Variants in SERPINB8 observed in about 807,000 individuals in gnomAD.
SERPINB8 encodes the protein serpin family B member 8.
Under a neutral mutation model 35.3 loss-of-function variants are expected in SERPINB8, and 25 were observed. The ratio of observed to expected loss-of-function variants is 0.71; its 90% CI spans 0.52 to 0.99. The LOEUF is 0.99. Among genes scored for constraint, SERPINB8 ranks in the 50% least tolerant of loss-of-function variants. The probability of loss-of-function intolerance (pLI) is 0.00; values close to 1 mark genes in which losing one functional copy is unlikely to be tolerated. For missense variants in SERPINB8, 484 were observed against 446.5 expected (o/e 1.08, Z -0.76); for synonymous variants, 186 against 160.8 (o/e 1.16, Z -1.19).
At chr18:64,006,482 A>G (rs1056299406), downstream of SERPINB8, among the ~76,000 whole-genome samples, 7 of 152,206 alleles carry the variant, frequency 4.6e-5, no homozygotes, top group Non-Finnish European at 1.5e-5. Flanking sequence ...ACATGAGGAC[A>G]CAGAGATGGC....
chr18:64,014,288 C>T (rs2050939606), intron 7 of SERPINB8, among the ~76,000 whole-genome samples: 1 of 152,132 alleles, frequency 6.6e-6, no homozygotes, highest in Non-Finnish European at 1.5e-5. Flanking sequence ...ATAAATTATA[C>T]AAGGATTTGG....
intron 1 of SERPINB8, among the ~76,000 whole-genome samples, chr18:63,975,567 T>A (rs948684224): frequency 2.0e-5 from 3 of 152,232 alleles, no homozygotes; most frequent in Non-Finnish European, 4.4e-5. Flanking sequence ...TTTATTTTAC[T>A]TAGTTTTCTG....
At chr18:63,979,637 A>C (rs886612089) in intron 2 of SERPINB8, among the ~76,000 whole-genome samples, 164 bp from the exon 3 acceptor site, 2 of 152,208 alleles carry the variant, frequency 1.3e-5, no homozygotes, top group Admixed American at 1.3e-4. Flanking sequence ...CCAAATGTCA[A>C]TGCTGCATTG....
At chr18:63,972,850 A>G (rs1039150194) in intron 1 of SERPINB8, among the ~76,000 whole-genome samples, 2 of 152,152 alleles carry the variant, frequency 1.3e-5, no homozygotes, top group South Asian at 2.1e-4. Flanking sequence ...ATAGTATTCC[A>G]TGGTGTATAT....
At chr18:63,975,442 T>C (rs2050566445) in intron 1 of SERPINB8, among the ~76,000 whole-genome samples, 1 of 152,002 alleles carries the variant, frequency 6.6e-6, no homozygotes, top group Admixed American at 6.6e-5. Context: ...TCTGGAGAGG[T>C]CTTATGATGT....
intron 7 of SERPINB8, among the ~76,000 whole-genome samples, chr18:64,017,231 T>G (rs2144854458): frequency 6.6e-6 from 1 of 152,360 alleles, no homozygotes. Flanking sequence ...TTCTCTTGAC[T>G]TGGTTACAAA....
At chr18:63,981,661 C>A in intron 3 of SERPINB8, 60 bp from the exon 4 acceptor site, 1 of 1,161,198 alleles carries the variant, frequency 8.6e-7, no homozygotes, top group Non-Finnish European at 1.3e-6. Flanking sequence ...AAACAAAATG[C>A]TTTTGCATTT....
At chr18:64,001,636 G>A (rs1229117314) in intron 1 of SERPINB8, among the ~76,000 whole-genome samples, 4 of 152,008 alleles carry the variant, frequency 2.6e-5, no homozygotes, top group African/African-American at 9.7e-5. Context: ...GATTATAGGC[G>A]CCCACCACAG....
At chr18:63,994,732 C>T (rs1261604147) in intron 1 of SERPINB8, among the ~76,000 whole-genome samples, 1 of 152,090 alleles carries the variant, frequency 6.6e-6, no homozygotes, top group Non-Finnish European at 1.5e-5. Flanking sequence ...GCAAGTCACC[C>T]TGGGGGTCCT....
At chr18:63,979,662 C>G (rs568369578) in intron 2 of SERPINB8, 139 bp from the exon 3 acceptor site, 2 of 968,032 alleles carry the variant, frequency 2.1e-6, no homozygotes, top group South Asian at 3.2e-5. Context: ...CGTTGAGAAA[C>G]CCTGTGCTAG....
intron 4 of SERPINB8, among the ~76,000 whole-genome samples, chr18:63,982,864 C>T (rs1388900539): frequency 6.6e-6 from 1 of 152,050 alleles, no homozygotes; most frequent in Admixed American, 6.5e-5. Context: ...GACCTTGTTA[C>T]CCTCTCATTG....
intron 2 of SERPINB8, 76 bp from the exon 3 acceptor site, chr18:63,979,725 A>G: frequency 1.3e-6 from 2 of 1,563,842 alleles, no homozygotes; most frequent in Non-Finnish European, 1.8e-6. Context: ...TTTTTAGTAC[A>G]GAGGTTTGTT....
At chr18:64,016,208 G>A in intron 7 of SERPINB8, among the ~76,000 whole-genome samples, 1 of 152,162 alleles carries the variant, frequency 6.6e-6, no homozygotes, top group East Asian at 1.9e-4. Flanking sequence ...TCTGGGAAAG[G>A]CTTTGCTTAT....
intron 6 of SERPINB8, 130 bp downstream of exon 6, chr18:63,985,375 T>C: frequency 1.1e-6 from 1 of 936,158 alleles, no homozygotes; most frequent in South Asian, 1.7e-5. Context: ...GTGAACATCA[T>C]TGTGTGTCTT....
intron 1 of SERPINB8, among the ~76,000 whole-genome samples, chr18:64,002,183 C>T (rs1460882561): frequency 6.6e-6 from 1 of 152,164 alleles, no homozygotes; most frequent in Non-Finnish European, 1.5e-5. Flanking sequence ...CTGTCATGTG[C>T]AGCCCAGGGA....
chr18:63,997,418 G>A (rs2144838491), intron 1 of SERPINB8, among the ~76,000 whole-genome samples: 1 of 152,278 alleles, frequency 6.6e-6, no homozygotes, highest in Middle Eastern at 3.4e-3. Context: ...CAGGAGTGTT[G>A]TCCCCCTCCC....
At chr18:63,993,855 G>GA (rs1476557631), downstream of SERPINB8, among the ~76,000 whole-genome samples, 1 of 152,156 alleles carries the variant, frequency 6.6e-6, no homozygotes, top group East Asian at 1.9e-4. Flanking sequence ...CCTTGAGCCA[G>GA]GCCATGCCTT....
chr18:64,010,410 A>G (rs2050920714), downstream of SERPINB8, among the ~76,000 whole-genome samples: 1 of 152,206 alleles, frequency 6.6e-6, no homozygotes, highest in Non-Finnish European at 1.5e-5. Flanking sequence ...AAGCTCTTGC[A>G]TATATGTTCA....
rs1419581860 is a variant in SERPINB8 at position 63,989,261 on chromosome 18, G to A, written c.*1983G>A. The A allele has an allele frequency of 6.6e-6, 1 of 151,986 alleles. No individual in the cohort carries two copies. Among genetic ancestry groups the A allele is most frequent in the East Asian group, 1.9e-4 (1 of 5,198 alleles). 9.4% of individuals were successfully genotyped at this position (151,986 alleles called of 1,614,324 possible). A position where few individuals can be genotyped will look rare whatever the true frequency, so the allele number is the denominator to read the frequency against. On this transcript the variant is annotated 3_prime_UTR_variant, in exon 7 of 7. Coordinates refer to ENST00000397985, the MANE Select transcript of SERPINB8 (RefSeq NM_002640.4). ...TTTTATTGGTAAGTAACATTTTTTT[G>A]TATAGGTATACCATGATTTGTTGAT... is the stretch of plus-strand genomic sequence containing the variant.
Sources: gnomAD v4.1 joint callset for allele counts (sites outside exome capture counted in the v4.1 genomes callset) on GRCh38, gnomAD v4.1.1 for gene constraint, MANE v1.5 for transcripts, NCBI Gene and HGNC (gene_info 2026-07-23, HGNC 2026-07-21) for gene names.